PPP2R2B: variants seen among roughly 807,000 people sequenced by gnomAD.
PPP2R2B encodes protein phosphatase 2 regulatory subunit Bbeta.
In PPP2R2B, 5 loss-of-function variants were observed where a neutral mutation model predicts 46.0. That is an observed-to-expected ratio of 0.11 (90% confidence interval 0.06 to 0.23). PPP2R2B has a LOEUF of 0.23. Ranked by LOEUF, PPP2R2B falls within the 10% of genes least tolerant of loss-of-function variation. The probability of loss-of-function intolerance (pLI) is 1.00; values close to 1 mark genes in which losing one functional copy is unlikely to be tolerated. For missense variants in PPP2R2B, 367 were observed against 575.0 expected, an observed-to-expected ratio of 0.64 and a Z score of 3.70; for synonymous variants, 215 against 206.7, an observed-to-expected ratio of 1.04 and a Z score of -0.34.
chr5:146,672,808 G>A (rs1378751103), intron 5 of PPP2R2B, among the ~76,000 whole-genome samples: 1 of 152,042 alleles, frequency 6.6e-6, no homozygotes, highest in Admixed American at 6.6e-5. Context: ...TCTCTCCGAC[G>A]ATTTATTTTT....
intron 1 of PPP2R2B, among the ~76,000 whole-genome samples, chr5:146,951,564 T>C (rs2151835763): frequency 6.6e-6 from 1 of 152,154 alleles, no homozygotes; most frequent in East Asian, 1.9e-4. Flanking sequence ...CCTGAGTTCA[T>C]GTGTTCTCAT....
In PPP2R2B at chr5:146,669,682, C is replaced by G. The variant is rs149899040; in HGVS notation, c.448-18958G>C. Among the ~76,000 whole-genome samples the G allele has an allele frequency of 2.6e-3, 391 of 152,230 alleles. 8 individuals carry two copies. The East Asian group carries it at 0.071, about 28-fold the overall frequency. ...AAAAGTGCTTACTGTCCCCTGTATGCTTTACATACGTTACCTCCTTTAAGC... is the reference window on the plus strand; with the variant it reads ...AAAAGTGCTTACTGTCCCCTGTATGGTTTACATACGTTACCTCCTTTAAGC... On this transcript the variant is annotated intron_variant, in intron 5 of 9. Transcript: ENST00000394411.
chr5:146,774,015 A>G (rs1183483229), intron 2 of PPP2R2B, among the ~76,000 whole-genome samples: 1 of 152,186 alleles, frequency 6.6e-6, no homozygotes, highest in Non-Finnish European at 1.5e-5. Context: ...TAGTATCCAT[A>G]AGCAAAACAA....
intron 1 of PPP2R2B, among the ~76,000 whole-genome samples, chr5:146,977,436 T>C (rs1752969804): frequency 6.6e-6 from 1 of 152,114 alleles, no homozygotes; most frequent in Admixed American, 6.6e-5. Context: ...GAAGGTTTAT[T>C]ACGTAGGTAT....
At chr5:146,937,624 A>G (rs761910033) in intron 1 of PPP2R2B, among the ~76,000 whole-genome samples, 10 of 152,122 alleles carry the variant, frequency 6.6e-5, no homozygotes, top group Non-Finnish European at 1.3e-4. Flanking sequence ...GGGGTTGGCC[A>G]TGTAAAAGCG....
chr5:146,924,616 G>A (rs2151817187), intron 1 of PPP2R2B, among the ~76,000 whole-genome samples: 1 of 152,266 alleles, frequency 6.6e-6, no homozygotes, highest in South Asian at 2.1e-4. Flanking sequence ...AGTCACACAG[G>A]ACCCTGTGGT....
chr5:146,770,355 A>AAAAAAAAAAAT (rs1368760298), intron 2 of PPP2R2B, among the ~76,000 whole-genome samples: 3 of 132,596 alleles, frequency 2.3e-5, no homozygotes, highest in Admixed American at 7.8e-5. Flanking sequence ...AAAAAAAAAA[A>AAAAAAAAAAAT]GAATGAAGAA....
rs142697000 is a variant in PPP2R2B at position 146,675,820 on chromosome 5, TTCTC to T, written c.447+15304_447+15307del. ...TGCACTGTTAACCAACCTCAGTCAC[TTCTC>T]TCTCTCTCTCTCTGGCCCACTGCTT... is the stretch of plus-strand genomic sequence containing the variant. On this transcript the variant is annotated intron_variant, in intron 5 of 9. Coordinates refer to ENST00000394411, the MANE Select transcript of PPP2R2B (RefSeq NM_181675.4). Among the ~76,000 whole-genome samples the T allele has an allele frequency of 7.2e-3, 1,079 of 149,956 alleles. 16 individuals carry two copies. Among genetic ancestry groups the T allele is most frequent in the African/African-American group, 0.025 (1,020 of 41,014 alleles).
chr5:147,055,335 T>C (rs1370305471), intron 1 of PPP2R2B, among the ~76,000 whole-genome samples: 1 of 152,262 alleles, frequency 6.6e-6, no homozygotes, highest in Non-Finnish European at 1.5e-5. Context: ...CTACTGATTT[T>C]TGTTTTCTTG....
intron 2 of PPP2R2B, among the ~76,000 whole-genome samples, chr5:147,063,903 G>T (rs4705458): frequency 0.44 from 66,218 of 152,144 alleles, 17,502 homozygotes; most frequent in Middle Eastern, 0.64. Flanking sequence ...TGGTTTTAAC[G>T]TCTTTTCAAG....
At chr5:146,788,602 A>T (rs1755995403) in intron 2 of PPP2R2B, among the ~76,000 whole-genome samples, 1 of 152,064 alleles carries the variant, frequency 6.6e-6, no homozygotes, top group African/African-American at 2.4e-5. Context: ...GTGGTGGCAC[A>T]TGCCTGTAAT....
intron 7 of PPP2R2B, among the ~76,000 whole-genome samples, chr5:146,619,056 C>T (rs1235684634): frequency 6.6e-6 from 1 of 152,182 alleles, no homozygotes; most frequent in Non-Finnish European, 1.5e-5. Flanking sequence ...TTACTCTCTA[C>T]TTCATTCTGC....
intron 1 of PPP2R2B, among the ~76,000 whole-genome samples, chr5:147,001,336 G>T (rs1754161769): frequency 6.6e-6 from 1 of 152,120 alleles, no homozygotes; most frequent in South Asian, 2.1e-4. Flanking sequence ...CACTGTGAAG[G>T]TCTGTGGCTT....
chr5:146,905,586 A>G (rs970857824), intron 1 of PPP2R2B, among the ~76,000 whole-genome samples: 3 of 152,144 alleles, frequency 2.0e-5, no homozygotes, highest in Non-Finnish European at 4.4e-5. Flanking sequence ...TTTATAAGCC[A>G]AAAACTGGAA....
At chr5:146,768,781 T>A (rs563882368) in intron 2 of PPP2R2B, among the ~76,000 whole-genome samples, 65 of 152,342 alleles carry the variant, frequency 4.3e-4, no homozygotes, top group African/African-American at 1.5e-3. Context: ...TTCCTGTTCC[T>A]GGAGATTTGC....
rs112156369 is a variant in PPP2R2B, at chr5:146,899,698, A to C, written c.79+155967T>G. Among the ~76,000 whole-genome samples the C allele has an allele frequency of 2.6e-3, 390 of 152,332 alleles. 2 individuals carry two copies. The highest frequency in any genetic ancestry group is 8.8e-3 in the African/African-American group (367 of 41,574). ...GATATACAAATTAGGAAATTATTCT[A>C]TGAAGACTAATATCCAATTAATAGA... On this transcript the variant is annotated intron_variant, in intron 1 of 8. Coordinates refer to the PPP2R2B transcript ENST00000336640.
chr5:146,609,646 C>T (rs1056815296), intron 7 of PPP2R2B, among the ~76,000 whole-genome samples: 8 of 148,728 alleles, frequency 5.4e-5, no homozygotes, highest in East Asian at 4.0e-4. Context: ...GCACCGTGCG[C>T]GAGCCGAAGC....
intron 1 of PPP2R2B, among the ~76,000 whole-genome samples, chr5:147,051,507 C>G (rs1756816220): frequency 6.6e-6 from 1 of 152,052 alleles, no homozygotes; most frequent in Non-Finnish European, 1.5e-5. Context: ...AGACTTGACT[C>G]AAGCTGAGTT....
At chr5:147,005,884 A>G (rs778757925) in intron 1 of PPP2R2B, among the ~76,000 whole-genome samples, 1 of 152,218 alleles carries the variant, frequency 6.6e-6, no homozygotes, top group Non-Finnish European at 1.5e-5. Context: ...GGGTAAATTT[A>G]AAACCTATAA....
Sources: allele counts gnomAD v4.1 joint callset (sites outside exome capture counted in the v4.1 genomes callset), GRCh38; gene constraint gnomAD v4.1.1; transcripts MANE v1.5; gene names NCBI Gene and HGNC (gene_info 2026-07-23, HGNC 2026-07-21).